Variants in NBEA observed in about 807,000 individuals in gnomAD.
NBEA encodes the protein neurobeachin, also known as lysosomal-trafficking regulator 2.
Under a neutral mutation model 343.4 loss-of-function variants are expected in NBEA, and 44 were observed. The observed-to-expected ratio is 0.13, with a 90% CI of 0.10 to 0.16. The LOEUF (loss-of-function observed/expected upper bound fraction) is 0.16, where lower values mean the gene tolerates loss of function less well. Among genes scored for constraint, NBEA ranks in the 10% least tolerant of loss-of-function variants. The pLI is 1.00. For synonymous variants in NBEA, 1,175 were observed against 1,238.7 expected, an observed-to-expected ratio of 0.95 and a Z score of 1.08; for missense variants, 2,555 against 3,631.3, an observed-to-expected ratio of 0.70 and a Z score of 7.62.
At position 35,044,827 on chromosome 13, in the gene NBEA, TATAGAG is replaced by T. The variant is rs1341565925; in HGVS notation, c.527-118_527-113del. The stretch of plus-strand genomic sequence containing the variant: ...GCTGTATTAGATACATATATATATA[TATAGAG>T]AGAGAGAGAGAGAGAGAGATAACAA... On this transcript the variant is annotated intron_variant, in intron 2 of 58. Coordinates refer to ENST00000379939, the MANE Select transcript of NBEA (RefSeq NM_001385012.1). 3.5e-3 allele frequency: 1,747 copies of T among 505,826 alleles called. 19 individuals carry two copies. The highest frequency in any genetic ancestry group is 0.021 in the African/African-American group (1,072 of 50,714). 31.3% of individuals were successfully genotyped at this position (505,826 alleles called of 1,614,324 possible).
At chr13:35,335,457 G>C (rs1351999167) in intron 36 of NBEA, among the ~76,000 whole-genome samples, 1 of 151,998 alleles carries the variant, frequency 6.6e-6, no homozygotes. Flanking sequence ...TAACACTGTT[G>C]ATTCTTCCAA....
At chr13:35,451,802 G>A (rs1041211716) in intron 39 of NBEA, among the ~76,000 whole-genome samples, 1 of 152,132 alleles carries the variant, frequency 6.6e-6, no homozygotes, top group African/African-American at 2.4e-5. Flanking sequence ...CCTTAGACAT[G>A]GTAGAGTTCG....
At chr13:35,150,831 G>GAGTA (rs1555320215) in intron 18 of NBEA, among the ~76,000 whole-genome samples, 1 of 151,602 alleles carries the variant, frequency 6.6e-6, no homozygotes, top group Admixed American at 6.6e-5. Context: ...GAGTAGAGTA[G>GAGTA]GAGGCCAGGC....
intron 53 of NBEA, among the ~76,000 whole-genome samples, chr13:35,652,849 C>T (rs1303336701): frequency 3.3e-5 from 5 of 150,920 alleles, no homozygotes; most frequent in African/African-American, 4.9e-5. Flanking sequence ...CGCCCGCCAC[C>T]GCGCCCGGCT....
At chr13:35,327,937 A>G (rs976895110) in intron 36 of NBEA, among the ~76,000 whole-genome samples, 2 of 151,960 alleles carry the variant, frequency 1.3e-5, no homozygotes, top group Non-Finnish European at 2.9e-5. Flanking sequence ...AGCAAACTAC[A>G]AATTAAGTTG....
chr13:35,417,862 G>A (rs2044023598), intron 38 of NBEA, among the ~76,000 whole-genome samples: 2 of 152,074 alleles, frequency 1.3e-5, no homozygotes, highest in African/African-American at 4.8e-5. Flanking sequence ...ATTATTGTGT[G>A]GGATTTTAAG....
At chr13:35,403,835 A>G (rs2043118779) in intron 38 of NBEA, among the ~76,000 whole-genome samples, 1 of 152,206 alleles carries the variant, frequency 6.6e-6, no homozygotes, top group African/African-American at 2.4e-5. Flanking sequence ...AAAATGGGAG[A>G]AAATTTTCGC....
intron 48 of NBEA, 96 bp downstream of exon 48, chr13:35,606,674 T>G: frequency 1.1e-6 from 1 of 943,302 alleles, no homozygotes; most frequent in East Asian, 3.1e-5. Flanking sequence ...TATTACCAAT[T>G]ATACTTAACA....
chr13:35,208,712 G>A lies in NBEA; in HGVS notation c.5379G>A (p.Val1793=). The stretch of plus-strand genomic sequence containing the variant: ...CATTTCTTTGCAGGAGTGTTGTGGT[G>A]CCTGTAAAGAAACCACCTCCAGGTA... The part of the protein sequence containing the change: ...QFHSFDRSVV[V]PVKKPPPGSL... The change falls in exon 32 of 59, where the codon GTG becomes GTA. Residue 1793 remains valine, a synonymous_variant. Coordinates refer to ENST00000379939, the MANE Select transcript of NBEA (RefSeq NM_001385012.1). 1 of 1,592,710 alleles carries A rather than the reference G, an allele frequency of 6.3e-7. No homozygotes were observed. The highest frequency in any genetic ancestry group is 8.6e-7 in the Non-Finnish European group (1 of 1,168,116).
intron 8 of NBEA, among the ~76,000 whole-genome samples, chr13:35,063,412 G>A (rs1370408818): frequency 6.6e-6 from 1 of 152,024 alleles, no homozygotes; most frequent in African/African-American, 2.4e-5. Context: ...TGCTAGCCAA[G>A]TGGATATACG....
At chr13:35,298,864 A>G (rs563793361) in intron 35 of NBEA, among the ~76,000 whole-genome samples, 60 of 152,170 alleles carry the variant, frequency 3.9e-4, no homozygotes, top group African/African-American at 1.4e-3. Context: ...TTCATTTCTT[A>G]CATTCAGTTT....
intron 55 of NBEA, among the ~76,000 whole-genome samples, chr13:35,661,286 G>A (rs1475616274): frequency 6.6e-6 from 1 of 152,186 alleles, no homozygotes; most frequent in East Asian, 1.9e-4. Flanking sequence ...TTAGGTGAGC[G>A]TAGGACAGTA....
chr13:35,038,744 C>T (rs2062540409), intron 1 of NBEA, among the ~76,000 whole-genome samples: 1 of 152,086 alleles, frequency 6.6e-6, no homozygotes, highest in South Asian at 2.1e-4. Flanking sequence ...AGATGCAAGA[C>T]AAACTCCTCC....
At chr13:35,100,446 T>C (rs1159318503) in intron 11 of NBEA, among the ~76,000 whole-genome samples, 3 of 151,966 alleles carry the variant, frequency 2.0e-5, no homozygotes, top group Non-Finnish European at 4.4e-5. Context: ...GTATCTAGAG[T>C]ATAATATTTG....
intron 10 of NBEA, among the ~76,000 whole-genome samples, chr13:35,091,105 A>G (rs981049016): frequency 3.3e-5 from 5 of 152,068 alleles, no homozygotes; most frequent in Admixed American, 3.3e-4. Context: ...CTTATCACCA[A>G]TGGAAGGCTA....
intron 40 of NBEA, among the ~76,000 whole-genome samples, chr13:35,467,589 T>C (rs2075443033): frequency 6.6e-6 from 1 of 152,212 alleles, no homozygotes; most frequent in Non-Finnish European, 1.5e-5. Flanking sequence ...AAAAATTTAC[T>C]CCCTTATTAT....
intron 1 of NBEA, among the ~76,000 whole-genome samples, chr13:34,962,294 A>G (rs142159758): frequency 2.4e-4 from 37 of 152,130 alleles, no homozygotes; most frequent in Middle Eastern, 3.4e-3. Flanking sequence ...ATATGTGTCT[A>G]TATATACACA....
In NBEA at chr13:35,171,545, TTGA is replaced by T. The variant is rs1306451321; in HGVS notation, c.4423+98_4423+100del. On this transcript the variant is annotated intron_variant, in intron 26 of 58. Coordinates refer to ENST00000379939, the MANE Select transcript of NBEA (RefSeq NM_001385012.1). Reference sequence around the variant, plus strand: ...GTACATAAAATATTAATGATATAAGTTGATGATTATATAATATGGAGATTATCT... The same window carrying T: ...GTACATAAAATATTAATGATATAAGTTGATTATATAATATGGAGATTATCT... 23 of 967,184 alleles carry T rather than the reference TTGA, an allele frequency of 2.4e-5. No individual in the cohort carries two copies. In the African/African-American group the frequency reaches 3.1e-4, roughly 13 times the overall value. The allele number at this position is 967,184 out of a possible 1,614,324, so 59.9% of individuals were successfully genotyped here.
In NBEA at chr13:35,349,205, G is replaced by A. The variant is rs766695715; in HGVS notation, c.6001G>A (p.Ala2001Thr). 2 of 1,592,394 alleles carry A rather than the reference G, an allele frequency of 1.3e-6. No homozygotes were observed. Among genetic ancestry groups the A allele is most frequent in the Non-Finnish European group, 1.7e-6 (2 of 1,167,400 alleles). The change falls in exon 37 of 59, where the codon GCA (alanine) becomes ACA (threonine). Residue 2001 changes from alanine (A) to threonine (T), a missense_variant. Physicochemically the swap from Ala to Thr is moderately conservative, Grantham distance 58 (BLOSUM62 0). Transcript: ENST00000379939. ...RQRAEDVHKH[A>T]EFESQCAQYA... ...AAGAGCCGAGGATGTACATAAACAT[G>A]CAGAGTTTGAGGTAAGGTTTTGGGA...
Sources: allele counts gnomAD v4.1 joint callset (sites outside exome capture counted in the v4.1 genomes callset), GRCh38; gene constraint gnomAD v4.1.1; transcripts MANE v1.5; gene names NCBI Gene and HGNC (gene_info 2026-07-23, HGNC 2026-07-21).